RAPGEFL1: variants seen among roughly 807,000 people sequenced by gnomAD.
RAPGEFL1 encodes Rap guanine nucleotide exchange factor like 1, also known as rap guanine nucleotide exchange factor-like 1.
RAPGEFL1 carries 31 observed loss-of-function variants against 64.4 expected under a neutral mutation model. That is an observed-to-expected ratio of 0.48 (90% CI 0.36 to 0.65). The LOEUF is 0.65. Among genes scored for constraint, RAPGEFL1 ranks in the 30% least tolerant of loss-of-function variants. The pLI is 0.00. For missense variants in RAPGEFL1, 682 were observed against 677.4 expected, an observed-to-expected ratio of 1.01 and a Z score of -0.08; for synonymous variants, 331 against 274.1, an observed-to-expected ratio of 1.21 and a Z score of -2.05.
intron 2 of RAPGEFL1, among the ~76,000 whole-genome samples, 163 bp downstream of exon 2, chr17:40,181,857 G>A (rs910223996): frequency 6.6e-6 from 1 of 152,030 alleles, no homozygotes; most frequent in Admixed American, 6.6e-5. Context: ...TGAGGCAGGC[G>A]GATCACCTGA....
In RAPGEFL1 at chr17:40,178,016, C is replaced by T; in HGVS notation, c.155C>T (p.Ser52Leu). The T allele has an allele frequency of 3.9e-6, 2 of 511,396 alleles. No homozygotes were observed. Among genetic ancestry groups the T allele is most frequent in the South Asian group, 2.6e-5 (1 of 38,228 alleles). 31.7% of individuals were successfully genotyped at this position (511,396 alleles called of 1,614,324 possible). A position where few individuals can be genotyped will look rare whatever the true frequency, so the allele number is the denominator to read the frequency against. The change falls in exon 1 of 15, where the codon TCG (serine) becomes TTG (leucine). Residue 52 changes from serine (S) to leucine (L), a missense_variant. By Grantham distance (145) the Ser-to-Leu change is moderately radical. Around this residue, in one of 2 missense-constraint regions of RAPGEFL1, gnomAD observed 271 missense variants for 158.0 expected, o/e 1.72. Coordinates refer to ENST00000620260, the MANE Select transcript of RAPGEFL1 (RefSeq NM_016339.6). Reference protein sequence around the residue: ...GGGGPAGGQRSLQRRQSVSRL... With the variant: ...GGGGPAGGQRLLQRRQSVSRL... ...GGCGGTCCAGCCGGGGGACAGCGGTCGTTGCAGCGGCGTCAGAGCGTGTCT... is the reference window on the plus strand; with the variant it reads ...GGCGGTCCAGCCGGGGGACAGCGGTTGTTGCAGCGGCGTCAGAGCGTGTCT...
chr17:40,189,499 C>G, intron 6 of RAPGEFL1, 124 bp downstream of exon 6: 1 of 1,119,528 alleles, frequency 8.9e-7, no homozygotes, highest in Non-Finnish European at 1.3e-6. Flanking sequence ...CCGGGACAAG[C>G]CTCATGTGCA....
intron 12 of RAPGEFL1, 65 bp from the exon 13 acceptor site, chr17:40,192,861 C>G: frequency 1.4e-6 from 2 of 1,433,420 alleles, no homozygotes; most frequent in Non-Finnish European, 2.0e-6. Context: ...TCCTCGGGTG[C>G]AGTGGCCCCT....
At chr17:40,190,172 C>T (rs1990211320) in intron 6 of RAPGEFL1, among the ~76,000 whole-genome samples, 1 of 152,206 alleles carries the variant, frequency 6.6e-6, no homozygotes, top group Admixed American at 6.5e-5. Flanking sequence ...GAAAAAATTT[C>T]AGCCTTCCCA....
chr17:40,191,474 G>A lies in RAPGEFL1; in HGVS notation c.1494G>A (p.Lys498=). ...APGKRAQLLK[K]FIKIAALCKQ... ...GCAAGCGCGCGCAGCTGCTCAAGAA[G>A]TTCATCAAGATCGCGGCCCTGTGAG... Residue 498 remains lysine (K), a synonymous_variant, in exon 9 of 15, where the codon AAG becomes AAA. Coordinates refer to ENST00000620260, the MANE Select transcript of RAPGEFL1 (RefSeq NM_016339.6). The surrounding 1 kb of genome is among the most constrained non-coding windows in gnomAD (Gnocchi z 5.1). 1 of 1,606,958 alleles carries A rather than the reference G, an allele frequency of 6.2e-7. No homozygotes were observed. The highest frequency in any genetic ancestry group is 8.5e-7 in the Non-Finnish European group (1 of 1,178,358).
chr17:40,180,492 G>A (rs1012508730), intron 1 of RAPGEFL1, among the ~76,000 whole-genome samples: 5 of 152,072 alleles, frequency 3.3e-5, no homozygotes, highest in Admixed American at 2.0e-4. Flanking sequence ...GGGTGTGTGG[G>A]AGGAGAGAAC....
chr17:40,191,981 G>A lies in RAPGEFL1; in HGVS notation c.1606-232G>A, dbSNP rs560427806. ...CTCAGTGGGGGCATCTTTATACAAAGCACCTGCATAAGACAGACCTGGCCT... is the reference window on the plus strand; with the variant it reads ...CTCAGTGGGGGCATCTTTATACAAAACACCTGCATAAGACAGACCTGGCCT... On this transcript the variant is annotated intron_variant, in intron 10 of 14. Coordinates refer to ENST00000620260, the MANE Select transcript of RAPGEFL1 (RefSeq NM_016339.6). This position sits in a 1 kb window ranked among gnomAD's most constrained non-coding sequence, Gnocchi z 5.1. Among the ~76,000 whole-genome samples, 2 of 152,210 alleles carry A rather than the reference G, an allele frequency of 1.3e-5. No individual in the cohort carries two copies. The highest frequency in any genetic ancestry group is 4.8e-5 in the African/African-American group (2 of 41,462).
chr17:40,194,350 G>T lies in RAPGEFL1; in HGVS notation c.*562G>T, dbSNP rs1364217121. 1 of 158,606 alleles carries T rather than the reference G, an allele frequency of 6.3e-6. No individual in the cohort carries two copies. The highest frequency in any genetic ancestry group is 2.4e-5 in the African/African-American group (1 of 41,148). 9.8% of individuals were successfully genotyped at this position (158,606 alleles called of 1,614,324 possible). A position where few individuals can be genotyped will look rare whatever the true frequency, so the allele number is the denominator to read the frequency against. On this transcript the variant is annotated 3_prime_UTR_variant, in exon 15 of 15. Coordinates refer to ENST00000620260, the MANE Select transcript of RAPGEFL1 (RefSeq NM_016339.6). ...GAGGGTGGATGTTGTGTGTGCTGGGGAGGGGTCCTTCTGTTTGGTGCTACC... is the reference window on the plus strand; with the variant it reads ...GAGGGTGGATGTTGTGTGTGCTGGGTAGGGGTCCTTCTGTTTGGTGCTACC...
chr17:40,190,840 C>A, intron 8 of RAPGEFL1, 78 bp downstream of exon 8: 1 of 1,573,086 alleles, frequency 6.4e-7, no homozygotes, highest in Non-Finnish European at 8.6e-7. Flanking sequence ...CGCAGCACAA[C>A]GTCCTGGTTC....
chr17:40,180,944 T>G (rs1045242665), intron 1 of RAPGEFL1, among the ~76,000 whole-genome samples: 2 of 152,198 alleles, frequency 1.3e-5, no homozygotes, highest in African/African-American at 4.8e-5. Flanking sequence ...GGCGACCTTG[T>G]ACCCGGCTGA....
intron 4 of RAPGEFL1, among the ~76,000 whole-genome samples, chr17:40,187,486 T>C (rs1317351952): frequency 1.3e-5 from 2 of 152,178 alleles, no homozygotes; most frequent in Non-Finnish European, 2.9e-5. Context: ...CTTCCCTTTC[T>C]GCCTTCTGCT....
intron 4 of RAPGEFL1, 155 bp from the exon 5 acceptor site, chr17:40,188,711 C>T: frequency 1.6e-6 from 1 of 644,220 alleles, no homozygotes; most frequent in Non-Finnish European, 2.8e-6. Context: ...TCCCATACTG[C>T]TCATTGTCCT....
intron 1 of RAPGEFL1, chr17:40,181,198 A>G (rs1005916748): frequency 4.9e-6 from 2 of 407,042 alleles, no homozygotes. Context: ...GGGAAGAGGG[A>G]TACACACACA....
intron 4 of RAPGEFL1, among the ~76,000 whole-genome samples, chr17:40,185,592 C>T (rs565814175): frequency 1.3e-5 from 2 of 150,742 alleles, no homozygotes; most frequent in Admixed American, 6.6e-5. Context: ...GAGAGCAGCC[C>T]GGCCAATATG....
intron 1 of RAPGEFL1, among the ~76,000 whole-genome samples, chr17:40,179,024 G>A (rs1353593912): frequency 1.3e-5 from 2 of 152,002 alleles, no homozygotes; most frequent in Non-Finnish European, 2.9e-5. Flanking sequence ...GTGTCCAAGC[G>A]CCTCCAGCTT....
chr17:40,183,987 G>A (rs1366729424), intron 2 of RAPGEFL1, among the ~76,000 whole-genome samples: 2 of 151,664 alleles, frequency 1.3e-5, no homozygotes, highest in Non-Finnish European at 2.9e-5. Flanking sequence ...GGGATTACAG[G>A]TGCACACCAC....
chr17:40,191,217 C>T lies in RAPGEFL1; in HGVS notation c.1336-99C>T, dbSNP rs1357762324. The T allele has an allele frequency of 4.3e-6, 5 of 1,152,786 alleles. No homozygotes were observed. The highest frequency in any genetic ancestry group is 4.7e-6 in the Non-Finnish European group (4 of 848,758). The allele number at this position is 1,152,786 out of a possible 1,614,324, so 71.4% of individuals were successfully genotyped here. On this transcript the variant is annotated intron_variant, in intron 8 of 14. Transcript: ENST00000620260. This position sits in a 1 kb window ranked among gnomAD's most constrained non-coding sequence, Gnocchi z 5.1. Reference sequence around the variant, plus strand: ...ATTTTCCACCCCTTCCGCCCCCGCCCTCCTGCCTTTCGCTCCTCATCGCCT... The same window carrying T: ...ATTTTCCACCCCTTCCGCCCCCGCCTTCCTGCCTTTCGCTCCTCATCGCCT...
At chr17:40,187,834 A>C (rs926381283) in intron 4 of RAPGEFL1, among the ~76,000 whole-genome samples, 7 of 147,974 alleles carry the variant, frequency 4.7e-5, no homozygotes, top group South Asian at 2.1e-4. Context: ...AGGATGGTCT[A>C]GATCTCCTGA....
chr17:40,184,492 A>C, intron 3 of RAPGEFL1, 89 bp from the exon 4 acceptor site: 1 of 1,123,836 alleles, frequency 8.9e-7, no homozygotes, highest in Non-Finnish European at 1.3e-6. Context: ...TCCTGTGCTT[A>C]AAGGTATGGA....
Sources: allele counts gnomAD v4.1 joint callset (sites outside exome capture counted in the v4.1 genomes callset), GRCh38; gene constraint gnomAD v4.1.1; regional missense constraint gnomAD v4.1.1; non-coding constraint Gnocchi (gnomAD v3.1); transcripts MANE v1.5; gene names NCBI Gene and HGNC (gene_info 2026-07-23, HGNC 2026-07-21).